Variants in MGAT5B observed in about 807,000 individuals in gnomAD.
MGAT5B encodes the protein N-acetylglucosaminyl-transferase Vb.
A neutral mutation model predicts 95.1 loss-of-function variants in MGAT5B; 54 were observed. The ratio of observed to expected loss-of-function variants is 0.57; its 90% CI spans 0.46 to 0.71. The LOEUF is 0.71. Among genes scored for constraint, MGAT5B ranks in the 30% least tolerant of loss-of-function variants. The probability of loss-of-function intolerance (pLI) is 0.00; values close to 1 mark genes in which losing one functional copy is unlikely to be tolerated. For missense variants in MGAT5B, 935 were observed against 1,088.6 expected, an observed-to-expected ratio of 0.86 and a Z score of 1.99; for synonymous variants, 464 against 451.0, an observed-to-expected ratio of 1.03 and a Z score of -0.36.
chr17:76,945,524 G>A (rs1247096428), intron 15 of MGAT5B, among the ~76,000 whole-genome samples: 2 of 152,204 alleles, frequency 1.3e-5, no homozygotes, highest in Non-Finnish European at 2.9e-5. Context: ...CCTGACCTCA[G>A]GCGATCCGCC....
chr17:76,894,799 G>T (rs992714542), intron 3 of MGAT5B, among the ~76,000 whole-genome samples: 3 of 151,152 alleles, frequency 2.0e-5, no homozygotes, highest in Non-Finnish European at 4.4e-5. Flanking sequence ...ATTACAGTGA[G>T]CTGAGATTGC....
In MGAT5B at chr17:76,917,987, G is replaced by A. The variant is rs937314876; in HGVS notation, c.1026-6979G>A. Among the ~76,000 whole-genome samples, 4 of 152,164 alleles carry A rather than the reference G, an allele frequency of 2.6e-5. No individual in the cohort carries two copies. Among genetic ancestry groups the A allele is most frequent in the African/African-American group, 9.7e-5 (4 of 41,432 alleles). On this transcript the variant is annotated intron_variant, in intron 8 of 17. Transcript: ENST00000569840. The surrounding 1 kb of genome is among the most constrained non-coding windows in gnomAD (Gnocchi z 6.1). Reference sequence around the variant, plus strand: ...GGGCCGAGTTCCCGTTCCTCTTCCTGCAGCCGTGCTGGCAGCCAGCGGGGT... The same window carrying A: ...GGGCCGAGTTCCCGTTCCTCTTCCTACAGCCGTGCTGGCAGCCAGCGGGGT...
chr17:76,922,805 A>G (rs1353733657), intron 8 of MGAT5B, among the ~76,000 whole-genome samples: 2 of 152,196 alleles, frequency 1.3e-5, no homozygotes, highest in East Asian at 1.9e-4. Flanking sequence ...TTTTAAGTTT[A>G]TAGACAAGAA....
chr17:76,933,640 CA>C (rs1969564959), intron 12 of MGAT5B, among the ~76,000 whole-genome samples: 1 of 152,144 alleles, frequency 6.6e-6, no homozygotes, highest in Admixed American at 6.5e-5. Flanking sequence ...AGCTACTGAT[CA>C]GGGGAAGCCC....
chr17:76,928,533 C>T lies in MGAT5B; in HGVS notation c.1291+1803C>T, dbSNP rs150069614. On this transcript the variant is annotated intron_variant, in intron 10 of 17. Transcript: ENST00000569840. ...CAGCCTGGCCAACATGGTGAAACCC[C>T]GTCTCTACTAAAAATACAAAAATTA... 5.8e-3 allele frequency among the ~76,000 whole-genome samples: 884 copies of T among 151,970 alleles called. 5 individuals are homozygous for T. Among genetic ancestry groups the T allele is most frequent in the Non-Finnish European group, 0.01 (691 of 67,966 alleles).
At chr17:76,942,339 C>T (rs1182241276) in intron 15 of MGAT5B, among the ~76,000 whole-genome samples, 2 of 152,082 alleles carry the variant, frequency 1.3e-5, no homozygotes, top group African/African-American at 4.8e-5. Flanking sequence ...AGCAGCCTGG[C>T]CAACATGGTG....
At chr17:76,932,085 T>C (rs867188638) in intron 10 of MGAT5B, among the ~76,000 whole-genome samples, 44 of 121,972 alleles carry the variant, frequency 3.6e-4, no homozygotes, top group South Asian at 6.4e-4. Context: ...CTCCTCCTCC[T>C]CCCCCCCCCC....
chr17:76,946,573 C>T, intron 16 of MGAT5B, 123 bp downstream of exon 16: 2 of 791,206 alleles, frequency 2.5e-6, no homozygotes, highest in Non-Finnish European at 1.8e-6. Flanking sequence ...CTCCCTCCTC[C>T]AGCCTGTCCA....
chr17:76,925,321 A>G (rs926881551), intron 9 of MGAT5B, among the ~76,000 whole-genome samples: 3 of 86,360 alleles, frequency 3.5e-5, no homozygotes, highest in African/African-American at 1.2e-4. Context: ...GAGTTGCTCC[A>G]TCACCCCTCT....
intron 2 of MGAT5B, among the ~76,000 whole-genome samples, chr17:76,878,247 A>G (rs895280060): frequency 1.3e-5 from 2 of 151,946 alleles, no homozygotes; most frequent in African/African-American, 4.8e-5. Context: ...TGGTACCCCG[A>G]GGGCTCATTG....
chr17:76,875,386 C>T (rs560578346), intron 2 of MGAT5B, among the ~76,000 whole-genome samples: 34 of 152,208 alleles, frequency 2.2e-4, no homozygotes, highest in Admixed American at 6.5e-4. Flanking sequence ...CCCTTTTGCT[C>T]GGTACTTCCC....
At chr17:76,923,093 A>G (rs1269404034) in intron 8 of MGAT5B, among the ~76,000 whole-genome samples, 3 of 152,142 alleles carry the variant, frequency 2.0e-5, no homozygotes, top group African/African-American at 7.2e-5. Flanking sequence ...CATCATCGAC[A>G]CGGCACCACT....
At position 76,940,758 on chromosome 17, in the gene MGAT5B, G is replaced by A; in HGVS notation, c.1758G>A (p.Glu586=). 7.4e-6 allele frequency: 12 copies of A among 1,614,118 alleles called. No individual in the cohort carries two copies. The South Asian group carries it at 1.3e-4, about 18-fold the overall frequency. ...REVFSQHPYA[E]NFIGKPHVWT... is the part of the protein sequence containing the mutation. Reference sequence around the variant, plus strand: ...TGTTCTCCCAGCATCCCTACGCGGAGAACTTCATCGGCAAGCCCCACGTGT... The same window carrying A: ...TGTTCTCCCAGCATCCCTACGCGGAAAACTTCATCGGCAAGCCCCACGTGT... The change falls in exon 15 of 18, where the codon GAG becomes GAA. Residue 586 remains glutamate, a synonymous_variant. Coordinates refer to ENST00000569840, the MANE Select transcript of MGAT5B (RefSeq NM_001199172.2). This position sits in a 1 kb window ranked among gnomAD's most constrained non-coding sequence, Gnocchi z 4.3.
chr17:76,941,791 G>A (rs548946416), intron 15 of MGAT5B, among the ~76,000 whole-genome samples: 60 of 152,362 alleles, frequency 3.9e-4, no homozygotes, highest in Middle Eastern at 6.8e-3. Context: ...AAGCAGGCAC[G>A]GAGGTGCCAG....
chr17:76,894,972 G>T (rs1968013452), intron 3 of MGAT5B, among the ~76,000 whole-genome samples: 1 of 152,160 alleles, frequency 6.6e-6, no homozygotes, highest in African/African-American at 2.4e-5. Context: ...CAACCCCCTG[G>T]CATGGACCGG....
At position 76,940,399 on chromosome 17, in the gene MGAT5B, C is replaced by G; in HGVS notation, c.1585-3C>G. On this transcript the variant is annotated splice_polypyrimidine_tract_variant and splice_region_variant and intron_variant, in intron 13 of 17. Transcript: ENST00000569840. This position sits in a 1 kb window ranked among gnomAD's most constrained non-coding sequence, Gnocchi z 4.3. ...CTGATCACTGCGCCCCTTGACTCTGCAGCTCTTCATCGGGTTTGGCTTCCC... is the reference window on the plus strand; with the variant it reads ...CTGATCACTGCGCCCCTTGACTCTGGAGCTCTTCATCGGGTTTGGCTTCCC... The G allele has an allele frequency of 6.3e-7, 1 of 1,597,162 alleles. No homozygotes were observed. Among genetic ancestry groups the G allele is most frequent in the Non-Finnish European group, 8.5e-7 (1 of 1,171,018 alleles).
intron 2 of MGAT5B, among the ~76,000 whole-genome samples, chr17:76,874,807 G>C (rs999659573): frequency 3.3e-5 from 5 of 152,146 alleles, no homozygotes; most frequent in African/African-American, 4.8e-5. Flanking sequence ...GTGCTATGCA[G>C]TTTTGCCTGG....
chr17:76,916,333 G>A lies in MGAT5B; in HGVS notation c.1026-8633G>A, dbSNP rs1318071774. On this transcript the variant is annotated intron_variant, in intron 8 of 17. Coordinates refer to ENST00000569840, the MANE Select transcript of MGAT5B (RefSeq NM_001199172.2). This position sits in a 1 kb window ranked among gnomAD's most constrained non-coding sequence, Gnocchi z 5.3. ...GGCCCCCCGGCCAAGTCTGAACATT[G>A]ACCAATAAGCAAGACCGATGGAGGC... is the stretch of plus-strand genomic sequence containing the variant. Among the ~76,000 whole-genome samples the A allele has an allele frequency of 3.3e-5, 5 of 152,244 alleles. No individual in the cohort carries two copies. The highest frequency in any genetic ancestry group is 6.5e-5 in the Admixed American group (1 of 15,286).
chr17:76,868,818 GC>G lies in MGAT5B; in HGVS notation c.-210del, dbSNP rs1966889626. On this transcript the variant is annotated 5_prime_UTR_variant, in exon 1 of 18. Transcript: ENST00000569840. The surrounding 1 kb of genome is among the most constrained non-coding windows in gnomAD (Gnocchi z 6.3). Reference sequence around the variant, plus strand: ...AGGGCGGAGACGCAGAGACGGCCCGGCCGGGCGCCCTCGCCGCCCTCCGGCA... The same window carrying G: ...AGGGCGGAGACGCAGAGACGGCCCGGCGGGCGCCCTCGCCGCCCTCCGGCA... 1 of 312,798 alleles carries G rather than the reference GC, an allele frequency of 3.2e-6. No homozygotes were observed. Among genetic ancestry groups the G allele is most frequent in the Admixed American group, 5.1e-5 (1 of 19,596 alleles). 19.4% of individuals were successfully genotyped at this position (312,798 alleles called of 1,614,324 possible). A position where few individuals can be genotyped will look rare whatever the true frequency, so the allele number is the denominator to read the frequency against.
Sources: gnomAD v4.1 joint callset for allele counts (sites outside exome capture counted in the v4.1 genomes callset) on GRCh38, gnomAD v4.1.1 for gene constraint, Gnocchi (gnomAD v3.1) non-coding constraint, MANE v1.5 for transcripts, NCBI Gene and HGNC (gene_info 2026-07-23, HGNC 2026-07-21) for gene names.